Variants in PPFIA2 observed in about 807,000 individuals in gnomAD.
PPFIA2 encodes liprin-alpha-2.
PPFIA2 carries 46 observed loss-of-function variants against 175.5 expected under a neutral mutation model. The observed-to-expected ratio is 0.26, with a 90% CI of 0.21 to 0.34. The LOEUF (loss-of-function observed/expected upper bound fraction) is 0.34. PPFIA2 is among the 10% of genes least tolerant of loss of function. The probability of loss-of-function intolerance (pLI) is 1.00; values close to 1 mark genes in which losing one functional copy is unlikely to be tolerated. For synonymous variants in PPFIA2, 568 were observed against 511.4 expected (o/e 1.11, Z -1.49); for missense variants, 1,179 against 1,506.1 (o/e 0.78, Z 3.60).
chr12:81,473,781 C>G (rs942368509), intron 4 of PPFIA2, among the ~76,000 whole-genome samples: 1 of 152,106 alleles, frequency 6.6e-6, no homozygotes, highest in East Asian at 1.9e-4. Flanking sequence ...ACTGCAGAAC[C>G]ATGACTTTGC....
intron 3 of PPFIA2, among the ~76,000 whole-genome samples, chr12:81,708,607 G>A (rs1051836896): frequency 4.6e-5 from 7 of 152,194 alleles, no homozygotes; most frequent in South Asian, 4.1e-4. Context: ...AAAACTGATT[G>A]TTACTATCTA....
intron 23 of PPFIA2, among the ~76,000 whole-genome samples, chr12:81,295,730 C>T (rs1379351910): frequency 6.6e-6 from 1 of 152,120 alleles, no homozygotes; most frequent in Non-Finnish European, 1.5e-5. Context: ...GTGGCTCATG[C>T]CTGTAATCTC....
chr12:81,659,832 G>A (rs968318471), intron 4 of PPFIA2, among the ~76,000 whole-genome samples: 5 of 152,186 alleles, frequency 3.3e-5, no homozygotes, highest in African/African-American at 7.2e-5. Flanking sequence ...CACCTCACAC[G>A]GCCGGGTACC....
chr12:81,599,892 C>T (rs2059620610), intron 4 of PPFIA2, among the ~76,000 whole-genome samples: 1 of 151,912 alleles, frequency 6.6e-6, no homozygotes, highest in Non-Finnish European at 1.5e-5. Flanking sequence ...TGTTTTCATC[C>T]TGATTACACT....
chr12:81,665,197 G>A (rs963755533), intron 4 of PPFIA2, among the ~76,000 whole-genome samples: 7 of 151,698 alleles, frequency 4.6e-5, no homozygotes, highest in African/African-American at 7.3e-5. Context: ...AAAAATAAAC[G>A]TGAAAAAAAT....
chr12:81,293,292 T>A (rs1297051964), intron 24 of PPFIA2, among the ~76,000 whole-genome samples: 2 of 152,052 alleles, frequency 1.3e-5, no homozygotes, highest in Non-Finnish European at 1.5e-5. Context: ...TTTTTGGGAA[T>A]TTGTCGTCAT....
At chr12:81,701,281 G>T (rs1193796554) in intron 3 of PPFIA2, among the ~76,000 whole-genome samples, 4 of 152,138 alleles carry the variant, frequency 2.6e-5, no homozygotes, top group Non-Finnish European at 5.9e-5. Context: ...TGCTGTAACT[G>T]CTGCTATTAC....
chr12:81,560,568 G>A (rs572487460), intron 4 of PPFIA2, among the ~76,000 whole-genome samples: 2 of 152,228 alleles, frequency 1.3e-5, no homozygotes, highest in South Asian at 4.1e-4. Flanking sequence ...CTATGTGTCA[G>A]GCAGAAAACC....
chr12:81,707,936 A>G (rs1330660052), intron 3 of PPFIA2, among the ~76,000 whole-genome samples: 2 of 149,890 alleles, frequency 1.3e-5, no homozygotes, highest in Non-Finnish European at 3.0e-5. Flanking sequence ...AAAACCAAAC[A>G]TCACATATTC....
chr12:81,729,281 T>A (rs1223611792), intron 3 of PPFIA2, among the ~76,000 whole-genome samples: 1 of 151,488 alleles, frequency 6.6e-6, no homozygotes, highest in African/African-American at 2.4e-5. Context: ...GAAGGCACAC[T>A]AACCATGGTC....
At chr12:81,488,283 G>A (rs955023750) in intron 4 of PPFIA2, among the ~76,000 whole-genome samples, 5 of 151,760 alleles carry the variant, frequency 3.3e-5, no homozygotes, top group Non-Finnish European at 5.9e-5. Context: ...TGAGTAAAGT[G>A]TACTACGTTC....
chr12:81,662,972 T>C (rs966949330), intron 4 of PPFIA2, among the ~76,000 whole-genome samples: 1 of 152,194 alleles, frequency 6.6e-6, no homozygotes, highest in Admixed American at 6.5e-5. Context: ...TCTCAATAGA[T>C]GCAGAAAAGG....
At chr12:81,317,918 A>G (rs2052770453) in intron 22 of PPFIA2, among the ~76,000 whole-genome samples, 1 of 151,642 alleles carries the variant, frequency 6.6e-6, no homozygotes, top group Non-Finnish European at 1.5e-5. Context: ...CAATAATCCT[A>G]CTATGTACAT....
In PPFIA2 at chr12:81,643,482, G is replaced by A. The variant is rs1017260814; in HGVS notation, c.303+33309C>T. 7.2e-5 allele frequency among the ~76,000 whole-genome samples: 11 copies of A among 151,904 alleles called. No homozygotes were observed. In the East Asian group the frequency reaches 1.4e-3, roughly 19 times the overall value. On this transcript the variant is annotated intron_variant, in intron 4 of 32. Coordinates refer to ENST00000549396, the MANE Select transcript of PPFIA2 (RefSeq NM_003625.5). Reference sequence around the variant, plus strand: ...AACAAATTATGAATGAAAATAAGTCGAAGTAGAATGTTTACTTGAATTACA... The same window carrying A: ...AACAAATTATGAATGAAAATAAGTCAAAGTAGAATGTTTACTTGAATTACA...
chr12:81,358,617 A>T (rs1308131949), intron 15 of PPFIA2, among the ~76,000 whole-genome samples: 3 of 152,118 alleles, frequency 2.0e-5, no homozygotes, highest in Admixed American at 6.6e-5. Context: ...TGTTTTAAAT[A>T]TTTCTTATAC....
intron 28 of PPFIA2, among the ~76,000 whole-genome samples, chr12:81,276,020 G>A (rs1241721962): frequency 6.6e-6 from 1 of 152,132 alleles, no homozygotes; most frequent in African/African-American, 2.4e-5. Flanking sequence ...TCCTGACCTC[G>A]TGATCCGCCC....
intron 4 of PPFIA2, among the ~76,000 whole-genome samples, chr12:81,606,322 T>C (rs1040976405): frequency 1.3e-5 from 2 of 152,040 alleles, no homozygotes; most frequent in Admixed American, 6.6e-5. Context: ...TGATTTTCCT[T>C]TGAGTATATA....
chr12:81,692,132 A>ACACG (rs2075329143), intron 3 of PPFIA2, among the ~76,000 whole-genome samples: 1 of 151,656 alleles, frequency 6.6e-6, no homozygotes, highest in South Asian at 2.1e-4. Context: ...ACACACACAC[A>ACACG]CAAAACCTGT....
At chr12:81,351,545 A>G (rs2059997521) in intron 17 of PPFIA2, among the ~76,000 whole-genome samples, 1 of 152,036 alleles carries the variant, frequency 6.6e-6, no homozygotes, top group African/African-American at 2.4e-5. Flanking sequence ...TAGCAGCCCA[A>G]CTTCAAACGC....
Sources: gnomAD v4.1 joint callset for allele counts (sites outside exome capture counted in the v4.1 genomes callset) on GRCh38, gnomAD v4.1.1 for gene constraint, MANE v1.5 for transcripts, NCBI Gene and HGNC (gene_info 2026-07-23, HGNC 2026-07-21) for gene names.